Variants in RASAL2 observed in about 807,000 individuals in gnomAD.
RASAL2 encodes the protein ras GTPase-activating protein nGAP.
Under a neutral mutation model 128.9 loss-of-function variants are expected in RASAL2, and 58 were observed. The observed-to-expected ratio is 0.45, with a 90% CI of 0.36 to 0.56. RASAL2 has a LOEUF of 0.56. Among genes scored for constraint, RASAL2 ranks in the 20% least tolerant of loss-of-function variants. RASAL2 has a pLI of 0.00. For synonymous variants in RASAL2, 561 were observed against 580.8 expected, an observed-to-expected ratio of 0.97 and a Z score of 0.49; for missense variants, 1,360 against 1,601.6, an observed-to-expected ratio of 0.85 and a Z score of 2.57.
chr1:178,472,478 A>G (rs146136628), intron 17 of RASAL2, among the ~76,000 whole-genome samples: 78 of 152,146 alleles, frequency 5.1e-4, no homozygotes, highest in African/African-American at 1.4e-3. Context: ...CCCCATATTC[A>G]AGTAACTCCT....
intron 1 of RASAL2, among the ~76,000 whole-genome samples, chr1:178,223,224 G>T (rs1663671189): frequency 6.6e-6 from 1 of 152,174 alleles, no homozygotes; most frequent in African/African-American, 2.4e-5. Flanking sequence ...ATAGCCTAGT[G>T]GGTAAAACAG....
At chr1:178,319,632 T>C (rs1571849583) in intron 3 of RASAL2, among the ~76,000 whole-genome samples, 1 of 149,040 alleles carries the variant, frequency 6.7e-6, no homozygotes, top group African/African-American at 2.6e-5. Context: ...CGAGCCTTGG[T>C]TTTCAGCTCC....
chr1:178,445,089 C>T (rs1396685190), intron 8 of RASAL2, among the ~76,000 whole-genome samples: 1 of 145,848 alleles, frequency 6.9e-6, no homozygotes, highest in Non-Finnish European at 1.5e-5. Flanking sequence ...AGCTACCTGA[C>T]AGTGGGAGTG....
chr1:178,296,358 TTTTG>T (rs1310433024), intron 2 of RASAL2, among the ~76,000 whole-genome samples: 5 of 151,888 alleles, frequency 3.3e-5, no homozygotes, highest in South Asian at 2.1e-4. Context: ...AAGTGCTCGG[TTTTG>T]TTTGTTTGTT....
intron 1 of RASAL2, among the ~76,000 whole-genome samples, chr1:178,253,720 A>T (rs1009667071): frequency 6.6e-6 from 1 of 152,200 alleles, no homozygotes; most frequent in Non-Finnish European, 1.5e-5. Context: ...TTTCTGAGCC[A>T]GGATGAGCCA....
chr1:178,122,143 T>C (rs1037909233), intron 1 of RASAL2, among the ~76,000 whole-genome samples: 6 of 152,312 alleles, frequency 3.9e-5, no homozygotes, highest in Non-Finnish European at 8.8e-5. Flanking sequence ...TGACTCTCAT[T>C]GTTACTGCTG....
At chr1:178,367,610 G>T (rs1482272208) in intron 3 of RASAL2, among the ~76,000 whole-genome samples, 1 of 152,046 alleles carries the variant, frequency 6.6e-6, no homozygotes, top group Non-Finnish European at 1.5e-5. Flanking sequence ...GAATCTGAAA[G>T]TATGAGTACA....
intron 17 of RASAL2, chr1:178,470,820 A>G (rs1249966354): frequency 2.0e-6 from 2 of 991,476 alleles, no homozygotes; most frequent in African/African-American, 3.3e-5. Context: ...CACTCCCCAC[A>G]TGGGAATCCT....
At chr1:178,291,756 G>C (rs143254187) in intron 2 of RASAL2, among the ~76,000 whole-genome samples, 5,136 of 152,274 alleles carry the variant, frequency 0.034, 115 homozygotes, top group Non-Finnish European at 0.049. Flanking sequence ...AAGAATGTGG[G>C]CCGGGCACGG....
chr1:178,477,214 C>T lies in RASAL2; in HGVS notation c.*3975C>T, dbSNP rs1471951574. The T allele has an allele frequency of 6.6e-6, 1 of 152,218 alleles. No homozygotes were observed. Among genetic ancestry groups the T allele is most frequent in the African/African-American group, 2.4e-5 (1 of 41,448 alleles). 9.4% of individuals were successfully genotyped at this position (152,218 alleles called of 1,614,324 possible). On this transcript the variant is annotated 3_prime_UTR_variant, in exon 18 of 18. Transcript: ENST00000367649. The stretch of plus-strand genomic sequence containing the variant: ...CCTTTTTCAAGTCTAATAGTGAAAT[C>T]TCCTGCTTACCCCAGCAGTAAATAG...
chr1:178,141,562 A>G (rs1044082184), intron 1 of RASAL2, among the ~76,000 whole-genome samples: 1 of 151,954 alleles, frequency 6.6e-6, no homozygotes. Flanking sequence ...CCCTCTCAAC[A>G]GGAAAACCCA....
chr1:178,344,559 G>T (rs929345985), intron 3 of RASAL2, among the ~76,000 whole-genome samples: 1 of 152,164 alleles, frequency 6.6e-6, no homozygotes, highest in African/African-American at 2.4e-5. Flanking sequence ...TTGACCTTCA[G>T]CAGTCTCTAA....
At chr1:178,180,664 C>CACACACACACAG (rs1553256849) in intron 1 of RASAL2, among the ~76,000 whole-genome samples, 22 of 286 alleles carry the variant, frequency 0.077, no homozygotes, top group Non-Finnish European at 0.14. Flanking sequence ...GAGACTGTCT[C>CACACACACACAG]ACACACACAC....
chr1:178,136,163 A>C (rs1037126464), intron 1 of RASAL2, among the ~76,000 whole-genome samples: 2 of 152,216 alleles, frequency 1.3e-5, no homozygotes, highest in African/African-American at 4.8e-5. Context: ...CAGTTCATAG[A>C]TTTTTATGTA....
chr1:178,397,935 G>A (rs1041704213), intron 4 of RASAL2, among the ~76,000 whole-genome samples: 1 of 151,686 alleles, frequency 6.6e-6, no homozygotes, highest in African/African-American at 2.4e-5. Flanking sequence ...ACTTTAAAAG[G>A]GTGAATTTAT....
At chr1:178,380,037 C>T (rs1272547491) in intron 3 of RASAL2, among the ~76,000 whole-genome samples, 1 of 152,174 alleles carries the variant, frequency 6.6e-6, no homozygotes, top group African/African-American at 2.4e-5. Context: ...CAGTCGCACG[C>T]CGCCACGCCC....
chr1:178,173,417 C>T (rs1661772255), intron 1 of RASAL2, among the ~76,000 whole-genome samples: 1 of 152,096 alleles, frequency 6.6e-6, no homozygotes, highest in African/African-American at 2.4e-5. Flanking sequence ...TTGTAATGTA[C>T]ATCTAAATAT....
intron 1 of RASAL2, among the ~76,000 whole-genome samples, chr1:178,216,176 A>G (rs1332246450): frequency 6.6e-6 from 1 of 152,224 alleles, no homozygotes; most frequent in Non-Finnish European, 1.5e-5. Context: ...ACATCTCATC[A>G]TCAAACTCAT....
intron 1 of RASAL2, among the ~76,000 whole-genome samples, chr1:178,145,818 A>G (rs1660715069): frequency 6.6e-6 from 1 of 152,174 alleles, no homozygotes; most frequent in Admixed American, 6.5e-5. Context: ...AAGTGGATCA[A>G]TGACTCCACC....
Sources: gnomAD v4.1 joint callset for allele counts (sites outside exome capture counted in the v4.1 genomes callset) on GRCh38, gnomAD v4.1.1 for gene constraint, MANE v1.5 for transcripts, NCBI Gene and HGNC (gene_info 2026-07-23, HGNC 2026-07-21) for gene names.